The following STPG2 variants were observed in gnomAD, a reference collection of about 807,000 sequenced individuals.
STPG2 encodes the protein sperm-tail PG-rich repeat-containing protein 2.
Under a neutral mutation model 54.2 loss-of-function variants are expected in STPG2, and 56 were observed. The observed-to-expected ratio is 1.03, with a 90% CI of 0.83 to 1.29. The LOEUF is 1.29. STPG2 is among the 50% of genes most tolerant of loss of function. The pLI is 0.00. For missense variants in STPG2, 596 were observed against 544.9 expected (o/e 1.09, Z -0.93); for synonymous variants, 200 against 181.8 (o/e 1.10, Z -0.81).
chr4:97,568,771 C>T (rs1732519828), intron 10 of STPG2, among the ~76,000 whole-genome samples: 1 of 152,094 alleles, frequency 6.6e-6, no homozygotes, highest in South Asian at 2.1e-4. Flanking sequence ...TAATAACAAA[C>T]AAACAACAAC....
intron 5 of STPG2, among the ~76,000 whole-genome samples, chr4:98,070,766 G>A (rs778940590): frequency 3.9e-5 from 6 of 151,922 alleles, no homozygotes; most frequent in Non-Finnish European, 8.8e-5. Flanking sequence ...AATCACAATT[G>A]CTACAAAATA....
At chr4:98,000,608 T>C (rs1371694096) in intron 5 of STPG2, among the ~76,000 whole-genome samples, 2 of 152,216 alleles carry the variant, frequency 1.3e-5, no homozygotes, top group Non-Finnish European at 2.9e-5. Context: ...TCTTTGTTTC[T>C]GTTCTCAGTA....
At chr4:97,655,288 C>T (rs892733201) in intron 10 of STPG2, among the ~76,000 whole-genome samples, 1 of 151,996 alleles carries the variant, frequency 6.6e-6, no homozygotes, top group African/African-American at 2.4e-5. Context: ...AGTACTACCT[C>T]GTGAATTCTT....
At chr4:97,792,215 T>C (rs552106180) in intron 9 of STPG2, among the ~76,000 whole-genome samples, 4 of 152,342 alleles carry the variant, frequency 2.6e-5, no homozygotes, top group South Asian at 2.1e-4. Flanking sequence ...TAGTATATAC[T>C]ATATAGTTCT....
At chr4:97,926,448 T>C (rs964623540) in intron 8 of STPG2, among the ~76,000 whole-genome samples, 1 of 152,114 alleles carries the variant, frequency 6.6e-6, no homozygotes, top group African/African-American at 2.4e-5. Context: ...CCTATTCTCT[T>C]TCTCATAGAA....
chr4:97,642,135 ACATTAGACCTAT>A (rs1721784210), intron 10 of STPG2, among the ~76,000 whole-genome samples: 1 of 151,456 alleles, frequency 6.6e-6, no homozygotes, highest in Non-Finnish European at 1.5e-5. Flanking sequence ...CAAAGAAAAT[ACATTAGACCTAT>A]TTGTAGAGTG....
chr4:97,781,154 T>C (rs1409747775), intron 9 of STPG2, among the ~76,000 whole-genome samples: 1 of 152,030 alleles, frequency 6.6e-6, no homozygotes, highest in Non-Finnish European at 1.5e-5. Flanking sequence ...AGCTGGTCTT[T>C]TGAAAAGATC....
At chr4:97,975,133 G>A (rs946153986) in intron 6 of STPG2, among the ~76,000 whole-genome samples, 1 of 152,102 alleles carries the variant, frequency 6.6e-6, no homozygotes, top group Non-Finnish European at 1.5e-5. Flanking sequence ...CCAGAAGTGG[G>A]AATAGAGATT....
chr4:98,114,033 T>C (rs1739437130), intron 3 of STPG2, among the ~76,000 whole-genome samples: 1 of 135,308 alleles, frequency 7.4e-6, no homozygotes. Context: ...TAGCATCCAC[T>C]AGAGTAGTTG....
chr4:98,080,357 G>T (rs34088022), intron 5 of STPG2, among the ~76,000 whole-genome samples: 60,137 of 151,816 alleles, frequency 0.4, 12,151 homozygotes, highest in Middle Eastern at 0.46. Flanking sequence ...GTCGCCCAAG[G>T]AGCTAGGACT....
chr4:97,895,768 T>A (rs1171459715), intron 8 of STPG2, among the ~76,000 whole-genome samples: 1 of 151,800 alleles, frequency 6.6e-6, no homozygotes, highest in East Asian at 1.9e-4. Flanking sequence ...AGTTACGGGC[T>A]CATGTTACTG....
At position 97,501,625 on chromosome 4, in the gene STPG2, G is replaced by A. The variant is rs533029785; in HGVS notation, c.462+211074C>T. Among the ~76,000 whole-genome samples, 609 of 151,824 alleles carry A rather than the reference G, an allele frequency of 4.0e-3. 3 individuals carry two copies. The highest frequency in any genetic ancestry group is 0.014 in the African/African-American group (562 of 41,430). On this transcript the variant is annotated intron_variant, in intron 4 of 4. Transcript: ENST00000522676. ...CAGGAGGATTGCTTGAGCCCAGGAG[G>A]TCAAGGCTTCAGTGAGTTCGAGATC...
At chr4:97,813,335 T>C (rs1237715032) in intron 9 of STPG2, among the ~76,000 whole-genome samples, 1 of 152,124 alleles carries the variant, frequency 6.6e-6, no homozygotes, top group Non-Finnish European at 1.5e-5. Flanking sequence ...TTCAACAATA[T>C]GCAATTAACC....
intron 8 of STPG2, among the ~76,000 whole-genome samples, chr4:97,909,180 G>T (rs1731580650): frequency 6.6e-6 from 1 of 151,560 alleles, no homozygotes; most frequent in Admixed American, 6.6e-5. Flanking sequence ...AGAAGCAATT[G>T]TTAATTATAT....
chr4:98,082,221 C>T (rs1445982440), intron 5 of STPG2, among the ~76,000 whole-genome samples: 2 of 151,956 alleles, frequency 1.3e-5, no homozygotes, highest in African/African-American at 2.4e-5. Context: ...CTTATGACAG[C>T]GCTCAAGCCA....
chr4:97,981,464 T>G, intron 5 of STPG2, 146 bp from the exon 6 acceptor site: 1 of 794,364 alleles, frequency 1.3e-6, no homozygotes, highest in Non-Finnish European at 1.9e-6. Context: ...AACTAAGATC[T>G]TGTACCCATC....
intron 9 of STPG2, among the ~76,000 whole-genome samples, chr4:97,749,419 AATACGT>A (rs1473864290): frequency 6.6e-6 from 1 of 151,742 alleles, no homozygotes; most frequent in Non-Finnish European, 1.5e-5. Flanking sequence ...TCTTAAGAAA[AATACGT>A]ATGCCAAAAA....
At chr4:97,490,929 T>C (rs1197907269) in intron 4 of STPG2, among the ~76,000 whole-genome samples, 1 of 151,634 alleles carries the variant, frequency 6.6e-6, no homozygotes, top group East Asian at 1.9e-4. Context: ...ATTTACAGCA[T>C]AAGGAATTTA....
chr4:97,758,324 TA>T (rs1725790617), intron 9 of STPG2, among the ~76,000 whole-genome samples: 1 of 152,178 alleles, frequency 6.6e-6, no homozygotes, highest in Non-Finnish European at 1.5e-5. Context: ...CATGCACATG[TA>T]TGTTTATTGC....
Sources: allele counts gnomAD v4.1 joint callset (sites outside exome capture counted in the v4.1 genomes callset), GRCh38; gene constraint gnomAD v4.1.1; transcripts MANE v1.5; gene names NCBI Gene and HGNC (gene_info 2026-07-23, HGNC 2026-07-21).